PATE2: variants seen among roughly 807,000 people sequenced by gnomAD.
PATE2 encodes the protein prostate and testis expressed 2, also known as prostate and testis expressed protein 2.
In PATE2, 7 loss-of-function variants were observed where a neutral mutation model predicts 10.5. That is an observed-to-expected ratio of 0.66 (90% CI 0.38 to 1.25). The LOEUF (loss-of-function observed/expected upper bound fraction) is 1.25, where lower values mean the gene tolerates loss of function less well. Among genes scored for constraint, PATE2 ranks in the 50% most tolerant of loss-of-function variants. The probability of loss-of-function intolerance (pLI) is 0.02; values close to 1 mark genes in which losing one functional copy is unlikely to be tolerated. For missense variants in PATE2, 133 were observed against 135.4 expected (o/e 0.98, Z 0.09); for synonymous variants, 44 against 46.9 (o/e 0.94, Z 0.25).
At position 125,777,896 on chromosome 11, in the gene PATE2, G is replaced by T. The variant is rs759060655; in HGVS notation, c.183C>A (p.Asn61Lys). 6.2e-7 allele frequency: 1 copy of T among 1,613,374 alleles called. No homozygotes were observed. Among genetic ancestry groups the T allele is most frequent in the Non-Finnish European group, 8.5e-7 (1 of 1,179,602 alleles). Residue 61 changes from asparagine (N) to lysine (K), a missense_variant, in exon 3 of 4, where the codon AAC (asparagine) becomes AAA (lysine). Asn to Lys is a moderately conservative substitution (Grantham distance 94). Coordinates refer to ENST00000358524, the MANE Select transcript of PATE2 (RefSeq NM_212555.3). ...LKHKQSCAVE[N>K]FYILTRKGQS... Reference sequence around the variant, plus strand: ...TACCTTTCCTTGTAAGGATGTAAAAGTTCTCAACTGCACAGGACTGTTTAT... The same window carrying T: ...TACCTTTCCTTGTAAGGATGTAAAATTTCTCAACTGCACAGGACTGTTTAT...
rs1403704659 is a variant in PATE2, at chr11:125,777,301, G to A, written c.*81C>T. On this transcript the variant is annotated 3_prime_UTR_variant, in exon 4 of 4. Transcript: ENST00000358524. The stretch of plus-strand genomic sequence containing the variant: ...TCACTCTCTACCAATGCATAGAAGA[G>A]GAGAGCAAAATTCAGGTTCAGGGAA... The A allele has an allele frequency of 6.6e-7, 1 of 1,517,676 alleles. No homozygotes were observed. The highest frequency in any genetic ancestry group is 1.8e-5 in the Admixed American group (1 of 56,486). The allele number at this position is 1,517,676 out of a possible 1,614,324, so 94.0% of individuals were successfully genotyped here.
rs76435292 is a variant in PATE2 at position 125,776,607 on chromosome 11, G to T, written c.*775C>A. The stretch of plus-strand genomic sequence containing the variant: ...CTGCCACATTATCAGCATTTTGTTT[G>T]CTCAGTCCCATGAGAAGAACCTGAC... On this transcript the variant is annotated 3_prime_UTR_variant, in exon 4 of 4. Coordinates refer to ENST00000358524, the MANE Select transcript of PATE2 (RefSeq NM_212555.3). 12,462 of 152,096 alleles carry T rather than the reference G, an allele frequency of 0.082. 648 individuals are homozygous for T. Among genetic ancestry groups the T allele is most frequent in the African/African-American group, 0.14 (5,943 of 41,440 alleles). The allele number at this position is 152,096 out of a possible 1,614,324, so 9.4% of individuals were successfully genotyped here.
chr11:125,778,410 C>T (rs1206620623), intron 2 of PATE2, 142 bp downstream of exon 2: 1 of 894,950 alleles, frequency 1.1e-6, no homozygotes, highest in Non-Finnish European at 1.8e-6. Context: ...ATGGACAAAA[C>T]AGGTCTGGCA....
rs755454551 is a variant in PATE2 at position 125,778,817 on chromosome 11, T to C, written c.-44A>G. On this transcript the variant is annotated 5_prime_UTR_variant, in exon 1 of 4. Coordinates refer to ENST00000358524, the MANE Select transcript of PATE2 (RefSeq NM_212555.3). ...TGCAGCTTCCTGTGGAAGGAGCAAG[T>C]TGTTCTCTTGTGATCTGTCCTTGGG... 38 of 1,603,932 alleles carry C rather than the reference T, an allele frequency of 2.4e-5. 1 individual carries two copies. In the South Asian group the frequency reaches 4.1e-4, roughly 17 times the overall value.
chr11:125,777,602 C>A, intron 3 of PATE2, 84 bp from the exon 4 acceptor site: 1 of 1,523,380 alleles, frequency 6.6e-7, no homozygotes, highest in Non-Finnish European at 9.0e-7. Context: ...GTTTTTGTGT[C>A]CTCACTAACC....
chr11:125,778,727 T>C lies in PATE2; in HGVS notation c.47A>G (p.Tyr16Cys), dbSNP rs1355637673. The stretch of plus-strand genomic sequence containing the variant: ...CCTCTGTCTCCAGGACTTACCCCAA[T>C]ATGGGCAGAGCAGAAAGACTGTGCC... ...LLGTVFLLCP[Y>C]WGELHDPIKA... is the part of the protein sequence containing the mutation. The change falls in exon 1 of 4, where the codon TAT (tyrosine) becomes TGT (cysteine). Residue 16 changes from tyrosine to cysteine, a missense_variant. Coordinates refer to ENST00000358524, the MANE Select transcript of PATE2 (RefSeq NM_212555.3). 1 of 1,613,316 alleles carries C rather than the reference T, an allele frequency of 6.2e-7. No individual in the cohort carries two copies. Among genetic ancestry groups the C allele is most frequent in the Non-Finnish European group, 8.5e-7 (1 of 1,179,638 alleles).
Position 125,778,576 on chromosome 11 carries a change from C to T in PATE2, c.53-1G>A, listed in dbSNP as rs747793636. 5.6e-6 allele frequency: 9 copies of T among 1,613,428 alleles called. No individual in the cohort carries two copies. Among genetic ancestry groups the T allele is most frequent in the Non-Finnish European group, 6.8e-6 (8 of 1,179,526 alleles). ...CCTTTTATAGGGTCATGAAGTTCAC[C>T]TGTGAAAAGAAGAAAAACCTTCCAT... On this transcript the variant is annotated splice_acceptor_variant, in intron 1 of 3. Coordinates refer to ENST00000358524, the MANE Select transcript of PATE2 (RefSeq NM_212555.3). LOFTEE classifies it high-confidence loss of function.
chr11:125,778,762 G>A lies in PATE2; in HGVS notation c.12C>T (p.Leu4=), dbSNP rs575557328. The A allele has an allele frequency of 6.2e-7, 1 of 1,613,548 alleles. No homozygotes were observed. Among genetic ancestry groups the A allele is most frequent in the African/African-American group, 1.3e-5 (1 of 75,000 alleles). The change falls in exon 1 of 4, where the codon CTC becomes CTT. Residue 4 remains leucine (L), a synonymous_variant. Transcript: ENST00000358524. The part of the protein sequence containing the change: MLV[L]FLLGTVFLLC... ...GCAGAAAGACTGTGCCCAGGAGAAA[G>A]AGAACAAGCATCCTGGAGCTTCTGT...
chr11:125,778,508 A>C (rs1239825936), intron 2 of PATE2, 44 bp downstream of exon 2: 1 of 1,598,352 alleles, frequency 6.3e-7, no homozygotes, highest in Non-Finnish European at 8.6e-7. Flanking sequence ...AACATGTCAC[A>C]AATTGCCTGT....
chr11:125,778,123 A>G, intron 2 of PATE2, 121 bp from the exon 3 acceptor site: 1 of 1,022,492 alleles, frequency 9.8e-7, no homozygotes, highest in Non-Finnish European at 1.4e-6. Context: ...TGGACCATGG[A>G]CTCTTGGTAA....
In PATE2 at chr11:125,777,530, A is replaced by T. The variant is rs1287817345; in HGVS notation, c.206-12T>A. On this transcript the variant is annotated splice_polypyrimidine_tract_variant and intron_variant, in intron 3 of 3. Coordinates refer to ENST00000358524, the MANE Select transcript of PATE2 (RefSeq NM_212555.3). ...ATACATGCTCTGCCCTGAGGAGGTA[A>T]AAGAGAGGAAATATGATCATAATGA... The T allele has an allele frequency of 6.2e-7, 1 of 1,613,318 alleles. No individual in the cohort carries two copies. The highest frequency in any genetic ancestry group is 1.3e-5 in the African/African-American group (1 of 74,974).
rs1190041279 is a variant in PATE2 at position 125,777,867 on chromosome 11, A to AC, written c.205+6dup. The stretch of plus-strand genomic sequence containing the variant: ...TGATTTTCCAGTCACTCTATACTCC[A>AC]CATTACCTTTCCTTGTAAGGATGTA... On this transcript the variant is annotated splice_region_variant and intron_variant, in intron 3 of 3. Transcript: ENST00000358524. 6.2e-7 allele frequency: 1 copy of AC among 1,612,742 alleles called. No individual in the cohort carries two copies. The highest frequency in any genetic ancestry group is 8.5e-7 in the Non-Finnish European group (1 of 1,179,356).
At chr11:125,777,803 G>A (rs1180031030) in intron 3 of PATE2, 71 bp downstream of exon 3, 3 of 1,562,840 alleles carry the variant, frequency 1.9e-6, no homozygotes, top group Non-Finnish European at 2.6e-6. Flanking sequence ...CTCACGCTGA[G>A]GGCAAAAGAA....
At position 125,776,795 on chromosome 11, in the gene PATE2, G is replaced by GA. The variant is rs1943487891; in HGVS notation, c.*586_*587insT. ...TTTACCAGTTGAAATGCCCCCTGAA[G>GA]TTTTCTTTGATGCTCATCCCTATGT... On this transcript the variant is annotated 3_prime_UTR_variant, in exon 4 of 4. Transcript: ENST00000358524. 1 of 150,788 alleles carries GA rather than the reference G, an allele frequency of 6.6e-6. No homozygotes were observed. Among genetic ancestry groups the GA allele is most frequent in the Admixed American group, 6.7e-5 (1 of 15,024 alleles). 9.3% of individuals were successfully genotyped at this position (150,788 alleles called of 1,614,324 possible).
At chr11:125,778,439 A>G (rs538045545) in intron 2 of PATE2, 113 bp downstream of exon 2, 1 of 1,193,726 alleles carries the variant, frequency 8.4e-7, no homozygotes, top group Admixed American at 2.0e-5. Context: ...AACCCCTAGG[A>G]TTCTATAATA....
In PATE2 at chr11:125,777,430, G is replaced by A. The variant is rs775749717; in HGVS notation, c.294C>T (p.Leu98=). 6 of 1,613,644 alleles carry A rather than the reference G, an allele frequency of 3.7e-6. No homozygotes were observed. In the East Asian group the frequency reaches 1.3e-4, roughly 36 times the overall value. Reference sequence around the variant, plus strand: ...AGTAGTTACTATGATCACAACAGATGAGCTCTACCCTCTTCGTGAACCCCA... The same window carrying A: ...AGTAGTTACTATGATCACAACAGATAAGCTCTACCCTCTTCGTGAACCCCA... ...NFLGFTKRVE[L]ICCDHSNYCN... The change falls in exon 4 of 4, where the codon CTC becomes CTT. Residue 98 remains leucine, a synonymous_variant. Transcript: ENST00000358524.
chr11:125,777,556 C>T, intron 3 of PATE2, 38 bp from the exon 4 acceptor site: 1 of 1,610,748 alleles, frequency 6.2e-7, no homozygotes, highest in Non-Finnish European at 8.5e-7. Context: ...ATCATAATGA[C>T]CTCATTTCCT....
chr11:125,777,952 A>T lies in PATE2; in HGVS notation c.127T>A (p.Tyr43Asn). The T allele has an allele frequency of 6.2e-7, 1 of 1,613,184 alleles. No individual in the cohort carries two copies. The highest frequency in any genetic ancestry group is 8.5e-7 in the Non-Finnish European group (1 of 1,179,296). Residue 43 changes from tyrosine (Y) to asparagine (N), a missense_variant, in exon 3 of 4, where the codon TAT (tyrosine) becomes AAT (asparagine). Physicochemically the swap from Tyr to Asn is moderately radical, Grantham distance 143. Transcript: ENST00000358524. Reference protein sequence around the residue: ...ECKKYHLGLCYGVMTSCSLKH... With the variant: ...ECKKYHLGLCNGVMTSCSLKH... Reference sequence around the variant, plus strand: ...AGGGAGCAGGATGTCATGACACCATAGCATAACCCAAGATGATATTTTTTA... The same window carrying T: ...AGGGAGCAGGATGTCATGACACCATTGCATAACCCAAGATGATATTTTTTA...
chr11:125,777,026 TA>T lies in PATE2; in HGVS notation c.*355del. The T allele has an allele frequency of 5.5e-6, 1 of 181,676 alleles. No homozygotes were observed. Among genetic ancestry groups the T allele is most frequent in the Non-Finnish European group, 1.2e-5 (1 of 86,068 alleles). The allele number at this position is 181,676 out of a possible 1,614,324, so 11.3% of individuals were successfully genotyped here. A position where few individuals can be genotyped will look rare whatever the true frequency, so the allele number is the denominator to read the frequency against. On this transcript the variant is annotated 3_prime_UTR_variant, in exon 4 of 4. Coordinates refer to ENST00000358524, the MANE Select transcript of PATE2 (RefSeq NM_212555.3). ...TGTGTGTGTAGATGAGGATAGAGGA[TA>T]GTCACAGAATTCTCAGTACAAATTG...
Sources: allele counts gnomAD v4.1 joint callset, GRCh38; gene constraint gnomAD v4.1.1; transcripts MANE v1.5; gene names NCBI Gene and HGNC (gene_info 2026-07-23, HGNC 2026-07-21).